RNF212B: variants seen among roughly 807,000 people sequenced by gnomAD.
RNF212B encodes the protein ring finger protein 212B.
Under a neutral mutation model 55.5 loss-of-function variants are expected in RNF212B, and 52 were observed. The ratio of observed to expected loss-of-function variants is 0.94; its 90% confidence interval spans 0.75 to 1.18. The LOEUF (loss-of-function observed/expected upper bound fraction) is 1.18. RNF212B is among the 50% of genes most tolerant of loss of function. The pLI, the probability that RNF212B is intolerant of heterozygous loss-of-function variation, is 0.00. For missense variants in RNF212B, 289 were observed against 350.4 expected (o/e 0.82, Z 1.40); for synonymous variants, 99 against 121.4 (o/e 0.82, Z 1.21).
At chr14:23,195,316 T>C (rs1334102880) in intron 2 of RNF212B, among the ~76,000 whole-genome samples, 1 of 150,658 alleles carries the variant, frequency 6.6e-6, no homozygotes, top group Non-Finnish European at 1.5e-5. Flanking sequence ...CTGAGGTAAA[T>C]GTAAAGTCTC....
chr14:23,240,459 C>T lies in RNF212B; in HGVS notation c.100+14C>T. On this transcript the variant is annotated intron_variant, in intron 2 of 14. Transcript: ENST00000430154. ...GTGTGACTCTGGGTGAGTGACTCAA[C>T]TGTTTTCAGATTCAGGGAAAAATGT... 1.3e-6 allele frequency: 2 copies of T among 1,498,482 alleles called. No individual in the cohort carries two copies. Among genetic ancestry groups the T allele is most frequent in the Non-Finnish European group, 1.8e-6 (2 of 1,100,516 alleles). The allele number at this position is 1,498,482 out of a possible 1,614,324, so 92.8% of individuals were successfully genotyped here.
chr14:23,232,270 T>G (rs538138063), intron 2 of RNF212B, among the ~76,000 whole-genome samples: 1 of 144,248 alleles, frequency 6.9e-6, no homozygotes, highest in African/African-American at 2.6e-5. Flanking sequence ...ATCTGGGATG[T>G]GAGGAGCGCC....
At chr14:23,238,249 C>A (rs935858981) in intron 1 of RNF212B, among the ~76,000 whole-genome samples, 194 bp downstream of exon 1, 1 of 144,070 alleles carries the variant, frequency 6.9e-6, no homozygotes, top group African/African-American at 2.9e-5. Flanking sequence ...GCATATAGAA[C>A]GGGGCCTTTT....
At chr14:23,223,054 CAAAA>C (rs55694130) in intron 2 of RNF212B, among the ~76,000 whole-genome samples, 41 of 124,800 alleles carry the variant, frequency 3.3e-4, no homozygotes, top group East Asian at 3.2e-3. Flanking sequence ...AACTCCGTCT[CAAAA>C]AAAAAAAAAA....
Position 23,223,054 on chromosome 14 carries a change from C to CAA in RNF212B, c.-1-17275_-1-17274dup, listed in dbSNP as rs55694130. 8.6e-3 allele frequency among the ~76,000 whole-genome samples: 1,074 copies of CAA among 124,266 alleles called. 9 individuals carry two copies. The highest frequency in any genetic ancestry group is 0.018 in the South Asian group (64 of 3,550). The allele number at this position is 124,266 out of a possible 152,430, so 81.5% of individuals were successfully genotyped here. On this transcript the variant is annotated intron_variant, in intron 2 of 15. Coordinates refer to the RNF212B transcript ENST00000399910. Reference sequence around the variant, plus strand: ...GGGCAACAAGAGTGAAACTCCGTCTCAAAAAAAAAAAAAAAAAGGAAAAGA... The same window carrying CAA: ...GGGCAACAAGAGTGAAACTCCGTCTCAAAAAAAAAAAAAAAAAAAGGAAAAGA...
At chr14:23,257,164 A>C (rs116353153) in intron 4 of RNF212B, among the ~76,000 whole-genome samples, 1,631 of 152,028 alleles carry the variant, frequency 0.011, 30 homozygotes, top group African/African-American at 0.038. Flanking sequence ...CACACACAAA[A>C]AAAATAAAAT....
intron 2 of RNF212B, among the ~76,000 whole-genome samples, chr14:23,218,231 G>A (rs181355128): frequency 2.8e-3 from 429 of 151,914 alleles, no homozygotes; most frequent in African/African-American, 1.0e-2. Flanking sequence ...AGCCGGGCGT[G>A]GTGGCACACA....
At chr14:23,268,887 A>G in intron 11 of RNF212B, 37 bp from the exon 12 acceptor site, 3 of 1,531,090 alleles carry the variant, frequency 2.0e-6, no homozygotes, top group Non-Finnish European at 1.8e-6. Context: ...TCTCCAGTTC[A>G]TGGATTATCT....
intron 2 of RNF212B, among the ~76,000 whole-genome samples, chr14:23,210,056 C>A (rs1317974105): frequency 6.6e-6 from 1 of 152,182 alleles, no homozygotes; most frequent in African/African-American, 2.4e-5. Flanking sequence ...GAGGCTGAGG[C>A]AGGAAAATTG....
intron 4 of RNF212B, among the ~76,000 whole-genome samples, chr14:23,249,068 C>A (rs1224082349): frequency 6.6e-6 from 1 of 152,166 alleles, no homozygotes; most frequent in East Asian, 1.9e-4. Flanking sequence ...AAACAGACAG[C>A]TGGTTATGGT....
chr14:23,199,040 C>T (rs963648795), intron 2 of RNF212B, among the ~76,000 whole-genome samples: 2 of 152,144 alleles, frequency 1.3e-5, no homozygotes, highest in African/African-American at 2.4e-5. Context: ...ACCCCCATAG[C>T]AATGGGCACA....
chr14:23,235,360 A>G (rs1225855628), upstream of RNF212B, among the ~76,000 whole-genome samples: 1 of 152,206 alleles, frequency 6.6e-6, no homozygotes, highest in African/African-American at 2.4e-5. Flanking sequence ...CTTAAAAACA[A>G]TTATATTTAA....
At chr14:23,195,917 C>T (rs1878616081) in intron 2 of RNF212B, among the ~76,000 whole-genome samples, 1 of 152,202 alleles carries the variant, frequency 6.6e-6, no homozygotes, top group Admixed American at 6.5e-5. Context: ...AATGGCAGAG[C>T]TGTAATTGGA....
chr14:23,220,250 G>A (rs1403063062), intron 2 of RNF212B, among the ~76,000 whole-genome samples: 1 of 151,800 alleles, frequency 6.6e-6, no homozygotes, highest in African/African-American at 2.4e-5. Flanking sequence ...CATACAACAA[G>A]GCCAGGCAAG....
Position 23,228,192 on chromosome 14 carries a change from A to G in RNF212B, c.-1-12153A>G, listed in dbSNP as rs141820107. 7.2e-5 allele frequency among the ~76,000 whole-genome samples: 11 copies of G among 152,220 alleles called. No homozygotes were observed. The East Asian group carries it at 1.7e-3, about 24-fold the overall frequency. On this transcript the variant is annotated intron_variant, in intron 2 of 15. Transcript: ENST00000399910. ...GATTGCGGTGAGCTGAGATCGTGCCATCACACTCCAGCCTGGGTGACGAGA... is the reference window on the plus strand; with the variant it reads ...GATTGCGGTGAGCTGAGATCGTGCCGTCACACTCCAGCCTGGGTGACGAGA...
At chr14:23,233,129 A>G (rs1025448825), upstream of RNF212B, among the ~76,000 whole-genome samples, 1 of 152,182 alleles carries the variant, frequency 6.6e-6, no homozygotes, top group Non-Finnish European at 1.5e-5. Context: ...GCTCTCTGAA[A>G]CATGTGCTGT....
chr14:23,221,237 A>C (rs905827308), intron 2 of RNF212B, among the ~76,000 whole-genome samples: 1 of 151,890 alleles, frequency 6.6e-6, no homozygotes, highest in Non-Finnish European at 1.5e-5. Context: ...AAATAGGAAA[A>C]AAAAAAAAAA....
At chr14:23,226,193 G>A (rs776767891) in intron 2 of RNF212B, among the ~76,000 whole-genome samples, 41 of 150,966 alleles carry the variant, frequency 2.7e-4, no homozygotes, top group Non-Finnish European at 5.8e-4. Context: ...AGTTACTCGG[G>A]AGGCTGAGGC....
At chr14:23,213,881 G>GA (rs1880813127) in intron 2 of RNF212B, among the ~76,000 whole-genome samples, 1 of 152,062 alleles carries the variant, frequency 6.6e-6, no homozygotes, top group African/African-American at 2.4e-5. Flanking sequence ...AGTTTAAATG[G>GA]AAAAAACCCC....
Sources: gnomAD v4.1 joint callset for allele counts (sites outside exome capture counted in the v4.1 genomes callset) on GRCh38, gnomAD v4.1.1 for gene constraint, MANE v1.5 for transcripts, NCBI Gene and HGNC (gene_info 2026-07-23, HGNC 2026-07-21) for gene names.